NALF1: variants seen among roughly 807,000 people sequenced by gnomAD.
The protein encoded by NALF1 is NALCN channel auxiliary factor 1.
In NALF1, 3 loss-of-function variants were observed where a neutral mutation model predicts 48.4. That is an observed-to-expected ratio of 0.06 (90% CI 0.03 to 0.16). The LOEUF (loss-of-function observed/expected upper bound fraction) is 0.16. Ranked by LOEUF, NALF1 falls within the 10% of genes least tolerant of loss-of-function variation. The pLI, the probability that NALF1 is intolerant of heterozygous loss-of-function variation, is 1.00. For synonymous variants in NALF1, 262 were observed against 245.7 expected (o/e 1.07, Z -0.62); for missense variants, 526 against 571.5 (o/e 0.92, Z 0.81).
At chr13:107,610,762 G>C (rs185182619) in intron 1 of NALF1, among the ~76,000 whole-genome samples, 2 of 152,308 alleles carry the variant, frequency 1.3e-5, no homozygotes, top group African/African-American at 4.8e-5. Flanking sequence ...TATGCGCAGG[G>C]AATGATAAAC....
chr13:107,425,981 T>C (rs1274468297), intron 1 of NALF1, among the ~76,000 whole-genome samples: 1 of 152,204 alleles, frequency 6.6e-6, no homozygotes, highest in Non-Finnish European at 1.5e-5. Flanking sequence ...ATTAGATATC[T>C]CTGCACTATA....
intron 1 of NALF1, among the ~76,000 whole-genome samples, chr13:107,521,630 T>A (rs1028106806): frequency 1.1e-4 from 17 of 152,306 alleles, no homozygotes; most frequent in Admixed American, 3.9e-4. Flanking sequence ...TATGCTTTGC[T>A]TTTGTCTTTT....
rs138947448 is a variant in NALF1, at chr13:107,301,341, C to T, written c.916-90586G>A. ...AAGAATTAAAAAGCGAAAAAGAGAA[C>T]GCAATAGCTTTATAAAGCAATGGCT... On this transcript the variant is annotated intron_variant, in intron 1 of 2. Coordinates refer to ENST00000375915, the MANE Select transcript of NALF1 (RefSeq NM_001080396.3). Among the ~76,000 whole-genome samples the T allele has an allele frequency of 9.9e-5, 15 of 152,168 alleles. No individual in the cohort carries two copies. The East Asian group carries it at 1.7e-3, about 18-fold the overall frequency.
At chr13:107,582,679 A>G (rs1878346944) in intron 1 of NALF1, among the ~76,000 whole-genome samples, 1 of 152,200 alleles carries the variant, frequency 6.6e-6, no homozygotes, top group Admixed American at 6.5e-5. Flanking sequence ...TAATTTTGAA[A>G]ATATATACAT....
intron 1 of NALF1, among the ~76,000 whole-genome samples, chr13:107,236,823 G>A (rs964646799): frequency 6.6e-6 from 1 of 152,056 alleles, no homozygotes; most frequent in Non-Finnish European, 1.5e-5. Flanking sequence ...AAAAAAGGAT[G>A]TTTTTGTCTG....
In NALF1 at chr13:107,210,731, A is replaced by C; in HGVS notation, c.940T>G (p.Ser314Ala). Residue 314 changes from serine (S) to alanine (A), a missense_variant, in exon 2 of 3, where the codon TCC (serine) becomes GCC (alanine). Ser to Ala is a moderately conservative substitution (Grantham distance 99). This residue lies in a region of NALF1 where 153 missense variants were observed against 215.9 expected (regional missense o/e 0.71). Coordinates refer to ENST00000375915, the MANE Select transcript of NALF1 (RefSeq NM_001080396.3). The stretch of plus-strand genomic sequence containing the variant: ...AACTGTGTGACTTCAAAATACTGGG[A>C]ACAGAGCCAGGCTTTGTAGACAATC... ...CKIVYKAWLCSQYFEVTQFNC... is the reference protein window; with the variant it reads ...CKIVYKAWLCAQYFEVTQFNC... 2 of 1,612,726 alleles carry C rather than the reference A, an allele frequency of 1.2e-6. No homozygotes were observed. Among genetic ancestry groups the C allele is most frequent in the Non-Finnish European group, 8.5e-7 (1 of 1,178,722 alleles).
At chr13:107,830,472 G>A (rs1173319302) in intron 1 of NALF1, among the ~76,000 whole-genome samples, 1 of 152,158 alleles carries the variant, frequency 6.6e-6, no homozygotes, top group African/African-American at 2.4e-5. Context: ...CTGGGACAGC[G>A]AACCTAATGG....
chr13:107,425,618 A>C (rs1345423432), intron 1 of NALF1, among the ~76,000 whole-genome samples: 2 of 152,134 alleles, frequency 1.3e-5, no homozygotes, highest in African/African-American at 4.8e-5. Flanking sequence ...ATATCTGTAT[A>C]TTACGATGAT....
At chr13:107,459,889 G>A (rs1282016174) in intron 1 of NALF1, among the ~76,000 whole-genome samples, 1 of 152,106 alleles carries the variant, frequency 6.6e-6, no homozygotes, top group Non-Finnish European at 1.5e-5. Flanking sequence ...CCACCTGCGT[G>A]TGCCACCACA....
intron 1 of NALF1, among the ~76,000 whole-genome samples, chr13:107,737,741 G>A (rs558864108): frequency 5.3e-5 from 8 of 152,134 alleles, no homozygotes; most frequent in Non-Finnish European, 1.2e-4. Context: ...TTTCGTAGGA[G>A]CATATCAGTT....
intron 1 of NALF1, among the ~76,000 whole-genome samples, chr13:107,403,877 T>C (rs753518654): frequency 2.6e-5 from 4 of 152,070 alleles, no homozygotes; most frequent in Non-Finnish European, 4.4e-5. Flanking sequence ...ATTGTTTTTG[T>C]CCATGGAAAA....
intron 1 of NALF1, among the ~76,000 whole-genome samples, chr13:107,486,291 G>A (rs1037568033): frequency 1.3e-5 from 2 of 152,120 alleles, no homozygotes; most frequent in African/African-American, 2.4e-5. Flanking sequence ...CAGGACCTGG[G>A]TCGATATGTA....
intron 1 of NALF1, among the ~76,000 whole-genome samples, chr13:107,524,371 T>G (rs78264462): frequency 6.6e-6 from 1 of 152,094 alleles, no homozygotes; most frequent in Admixed American, 6.6e-5. Flanking sequence ...CTTTGATTAT[T>G]CGAGAAGTCA....
chr13:107,552,117 C>T (rs560676266), intron 1 of NALF1, among the ~76,000 whole-genome samples: 8 of 152,128 alleles, frequency 5.3e-5, no homozygotes, highest in African/African-American at 1.4e-4. Flanking sequence ...GATAAATAGA[C>T]CAATATCTTC....
intron 1 of NALF1, among the ~76,000 whole-genome samples, chr13:107,306,612 G>GA (rs1210670898): frequency 2.0e-5 from 3 of 152,084 alleles, no homozygotes; most frequent in African/African-American, 4.8e-5. Flanking sequence ...AAAACTGGTA[G>GA]AAAAAAATGT....
intron 1 of NALF1, among the ~76,000 whole-genome samples, chr13:107,385,552 CAAAAAAAAAA>C (rs201307018): frequency 8.5e-6 from 1 of 118,292 alleles, no homozygotes; most frequent in Non-Finnish European, 1.7e-5. Context: ...GATTCCATCT[CAAAAAAAAAA>C]AAAAAAAAAA....
At position 107,269,049 on chromosome 13, in the gene NALF1, C is replaced by T. The variant is rs368918008; in HGVS notation, c.916-58294G>A. 9.2e-5 allele frequency among the ~76,000 whole-genome samples: 14 copies of T among 151,796 alleles called. No individual in the cohort carries two copies. In the East Asian group the frequency reaches 1.6e-3, roughly 17 times the overall value. On this transcript the variant is annotated intron_variant, in intron 1 of 2. Coordinates refer to ENST00000375915, the MANE Select transcript of NALF1 (RefSeq NM_001080396.3). Reference sequence around the variant, plus strand: ...GTGGTGGTGCACGCCTGTGGTCCCACGTCCTTGGGAGGCTGAGGTGGGAGG... The same window carrying T: ...GTGGTGGTGCACGCCTGTGGTCCCATGTCCTTGGGAGGCTGAGGTGGGAGG...
intron 1 of NALF1, among the ~76,000 whole-genome samples, chr13:107,275,731 A>G (rs1449385559): frequency 1.3e-5 from 2 of 152,240 alleles, no homozygotes; most frequent in Middle Eastern, 3.2e-3. Flanking sequence ...TGCATGGGAC[A>G]TACTCAAACT....
intron 1 of NALF1, among the ~76,000 whole-genome samples, chr13:107,533,842 G>A (rs745380819): frequency 1.3e-5 from 2 of 152,110 alleles, no homozygotes; most frequent in Non-Finnish European, 2.9e-5. Flanking sequence ...ATACTTCTAA[G>A]GGAGTGTCTT....
Sources: allele counts gnomAD v4.1 joint callset (sites outside exome capture counted in the v4.1 genomes callset), GRCh38; gene constraint gnomAD v4.1.1; regional missense constraint gnomAD v4.1.1; transcripts MANE v1.5; gene names NCBI Gene and HGNC (gene_info 2026-07-23, HGNC 2026-07-21).